The following PCM1 variants were observed in gnomAD, a reference collection of about 807,000 sequenced individuals.
PCM1 encodes pericentriolar material 1.
In PCM1, 157 loss-of-function variants were observed where a neutral mutation model predicts 241.9. That is an observed-to-expected ratio of 0.65 (90% CI 0.57 to 0.74). The LOEUF (loss-of-function observed/expected upper bound fraction) is 0.74, where lower values mean the gene tolerates loss of function less well. PCM1 is among the 30% of genes least tolerant of loss of function. The pLI is 0.00. For synonymous variants in PCM1, 1,085 were observed against 784.9 expected (o/e 1.38, Z -6.39); for missense variants, 3,478 against 2,360.1 (o/e 1.47, Z -9.81).
intron 8 of PCM1, among the ~76,000 whole-genome samples, chr8:17,952,289 A>G (rs1271044339): frequency 1.3e-5 from 2 of 151,986 alleles, no homozygotes; most frequent in African/African-American, 4.8e-5. Flanking sequence ...GTGGTGGGAA[A>G]AATTGATAGG....
Position 18,027,668 on chromosome 8 carries a change from C to G in PCM1, c.*6C>G, listed in dbSNP as rs772500001. On this transcript the variant is annotated 3_prime_UTR_variant, in exon 39 of 39. Transcript: ENST00000325083. ...TGGGAGCCCAGAGTATATGAGATGTCTTCAGAGGCTCATCTAACTCTGTCC... is the reference window on the plus strand; with the variant it reads ...TGGGAGCCCAGAGTATATGAGATGTGTTCAGAGGCTCATCTAACTCTGTCC... 2 of 1,582,938 alleles carry G rather than the reference C, an allele frequency of 1.3e-6. No homozygotes were observed. The highest frequency in any genetic ancestry group is 2.2e-5 in the East Asian group (1 of 44,562).
At chr8:17,939,165 A>G in intron 5 of PCM1, 156 bp downstream of exon 5, 3 of 673,586 alleles carry the variant, frequency 4.5e-6, no homozygotes, top group South Asian at 2.3e-5. Context: ...TTTACTTAAA[A>G]TAGAGTAAAT....
At chr8:17,973,737 G>A (rs923993147) in intron 23 of PCM1, among the ~76,000 whole-genome samples, 3 of 151,692 alleles carry the variant, frequency 2.0e-5, no homozygotes, top group Non-Finnish European at 2.9e-5. Flanking sequence ...AAAAAAATTG[G>A]TGTTTAAGAA....
At chr8:18,006,437 T>C in intron 30 of PCM1, 40 bp downstream of exon 30, 1 of 1,458,240 alleles carries the variant, frequency 6.9e-7, no homozygotes, top group Admixed American at 1.8e-5. Context: ...ATATGTACTG[T>C]GTGGTAAGGT....
rs375403069 is a variant in PCM1, at chr8:17,972,224, A to G, written c.3585-105A>G. 19 of 541,034 alleles carry G rather than the reference A, an allele frequency of 3.5e-5. No homozygotes were observed. In the African/African-American group the frequency reaches 3.6e-4, roughly 10 times the overall value. 33.5% of individuals were successfully genotyped at this position (541,034 alleles called of 1,614,324 possible). ...GAAAACATTTTTATAGCCTGTTGAC[A>G]ATTTTATTCACCTAAATCTACTCGA... On this transcript the variant is annotated intron_variant, in intron 22 of 38. Coordinates refer to ENST00000325083, the MANE Select transcript of PCM1 (RefSeq NM_006197.4).
chr8:17,925,669 A>G (rs1392922092), intron 2 of PCM1: 2 of 152,342 alleles, frequency 1.3e-5, no homozygotes, highest in East Asian at 1.9e-4. Flanking sequence ...CCCCATCTCT[A>G]CTAAAAATAC....
chr8:17,923,810 TCCTA>T (rs2055655774), intron 1 of PCM1, among the ~76,000 whole-genome samples: 1 of 152,052 alleles, frequency 6.6e-6, no homozygotes, highest in South Asian at 2.1e-4. Flanking sequence ...CTTTCTCCCT[TCCTA>T]CCTATCTAGT....
intron 8 of PCM1, among the ~76,000 whole-genome samples, chr8:17,951,687 A>G (rs1390950757): frequency 6.6e-6 from 1 of 152,336 alleles, no homozygotes; most frequent in East Asian, 1.9e-4. Flanking sequence ...AGGCATTAGA[A>G]AATAAAAACA....
intron 8 of PCM1, among the ~76,000 whole-genome samples, chr8:17,952,348 G>C (rs906678705): frequency 5.3e-5 from 8 of 152,164 alleles, no homozygotes; most frequent in African/African-American, 1.9e-4. Flanking sequence ...AGGCAAGAGA[G>C]AGAATGAGAT....
intron 34 of PCM1, among the ~76,000 whole-genome samples, chr8:18,012,759 C>T (rs749982374): frequency 6.6e-6 from 1 of 152,160 alleles, no homozygotes; most frequent in East Asian, 1.9e-4. Context: ...TATTAGTACT[C>T]ATGGATTGAT....
At chr8:18,023,725 A>G (rs1032867534) in intron 36 of PCM1, among the ~76,000 whole-genome samples, 2 of 152,328 alleles carry the variant, frequency 1.3e-5, no homozygotes, top group Middle Eastern at 6.8e-3. Context: ...TTCTTGCTAC[A>G]GTTACTGTGT....
chr8:17,983,833 G>A (rs1281758874), intron 24 of PCM1, among the ~76,000 whole-genome samples: 1 of 152,088 alleles, frequency 6.6e-6, no homozygotes, highest in Non-Finnish European at 1.5e-5. Flanking sequence ...TCCTCTTGCA[G>A]CTTTACATGA....
At chr8:17,950,426 C>T (rs148777076) in intron 7 of PCM1, among the ~76,000 whole-genome samples, 189 bp from the exon 8 acceptor site, 215 of 152,306 alleles carry the variant, frequency 1.4e-3, no homozygotes, top group Non-Finnish European at 2.6e-3. Context: ...GTGAGCATCC[C>T]TTTATTTTTA....
intron 36 of PCM1, among the ~76,000 whole-genome samples, chr8:18,017,445 C>T (rs2093333120): frequency 6.6e-6 from 1 of 152,058 alleles, no homozygotes. Flanking sequence ...AACATTAGAA[C>T]TAGAAAAAAA....
chr8:17,960,987 C>T (rs1385690667), intron 15 of PCM1, among the ~76,000 whole-genome samples: 4 of 152,216 alleles, frequency 2.6e-5, no homozygotes, highest in African/African-American at 9.6e-5. Flanking sequence ...AGATTCAGAA[C>T]ATGTGTACTC....
At position 17,972,563 on chromosome 8, in the gene PCM1, G is replaced by T; in HGVS notation, c.3819G>T (p.Val1273=). ...CTGATCCAGTAGATCCAACAACAGT[G>T]ACTAAAACATTCAAGACAAGAAAAG... ...SMPDPVDPTT[V]TKTFKTRKAS... is the part of the protein sequence containing the mutation. Residue 1273 remains valine, a synonymous_variant, in exon 23 of 39, where the codon GTG becomes GTT. Transcript: ENST00000325083. 1 of 1,613,598 alleles carries T rather than the reference G, an allele frequency of 6.2e-7. No homozygotes were observed. The highest frequency in any genetic ancestry group is 1.1e-5 in the South Asian group (1 of 91,004).
At position 17,969,767 on chromosome 8, in the gene PCM1, CTTT is replaced by C; in HGVS notation, c.3584+21_3584+23del. The C allele has an allele frequency of 6.5e-7, 1 of 1,539,504 alleles. No homozygotes were observed. On this transcript the variant is annotated intron_variant, in intron 22 of 38. Coordinates refer to ENST00000325083, the MANE Select transcript of PCM1 (RefSeq NM_006197.4). ...AACCAAGGTACTGATTGTAAACAGT[CTTT>C]TATTGCTTAAACATTCACTTTTGTG...
At chr8:17,948,577 AC>A (rs1278830578) in intron 7 of PCM1, among the ~76,000 whole-genome samples, 2 of 152,078 alleles carry the variant, frequency 1.3e-5, no homozygotes, top group Non-Finnish European at 2.9e-5. Context: ...TGCTGGGATT[AC>A]AGGCGTCAGC....
At chr8:18,022,687 C>T (rs1198455071) in intron 36 of PCM1, among the ~76,000 whole-genome samples, 1 of 152,190 alleles carries the variant, frequency 6.6e-6, no homozygotes, top group East Asian at 1.9e-4. Flanking sequence ...CTAATCTAGC[C>T]AGGGTTCCAG....
Sources: gnomAD v4.1 joint callset for allele counts (sites outside exome capture counted in the v4.1 genomes callset) on GRCh38, gnomAD v4.1.1 for gene constraint, MANE v1.5 for transcripts, NCBI Gene and HGNC (gene_info 2026-07-23, HGNC 2026-07-21) for gene names.